Variants in RPS6KA5 observed in about 807,000 individuals in gnomAD.
The protein encoded by RPS6KA5 is ribosomal protein S6 kinase alpha-5.
RPS6KA5 carries 27 observed loss-of-function variants against 85.5 expected under a neutral mutation model. That is an observed-to-expected ratio of 0.32 (90% CI 0.23 to 0.44). The LOEUF is 0.44. Among genes scored for constraint, RPS6KA5 ranks in the 20% least tolerant of loss-of-function variants. The pLI is 1.00. For synonymous variants in RPS6KA5, 334 were observed against 348.2 expected, an observed-to-expected ratio of 0.96 and a Z score of 0.46; for missense variants, 811 against 980.9, an observed-to-expected ratio of 0.83 and a Z score of 2.31.
At chr14:91,014,973 T>C (rs900497771) in intron 1 of RPS6KA5, among the ~76,000 whole-genome samples, 1 of 152,194 alleles carries the variant, frequency 6.6e-6, no homozygotes, top group African/African-American at 2.4e-5. Context: ...GTCAAATTAT[T>C]TGAAAATGTA....
Position 90,994,763 on chromosome 14 carries a change from G to A in RPS6KA5, c.175+6325C>T, listed in dbSNP as rs376076779. ...ATTTTTTTTTGTTTTTAGTAGAGACGGGGTTTAACCGTGTTAGCCAGGATG... is the reference window on the plus strand; with the variant it reads ...ATTTTTTTTTGTTTTTAGTAGAGACAGGGTTTAACCGTGTTAGCCAGGATG... On this transcript the variant is annotated intron_variant, in intron 2 of 16. Coordinates refer to ENST00000614987, the MANE Select transcript of RPS6KA5 (RefSeq NM_004755.4). 4.6e-5 allele frequency among the ~76,000 whole-genome samples: 7 copies of A among 151,424 alleles called. No homozygotes were observed. The East Asian group carries it at 5.8e-4, about 13-fold the overall frequency.
At chr14:91,002,757 C>A (rs1228276517) in intron 1 of RPS6KA5, among the ~76,000 whole-genome samples, 1 of 152,068 alleles carries the variant, frequency 6.6e-6, no homozygotes, top group Non-Finnish European at 1.5e-5. Flanking sequence ...TCTTTAGAAC[C>A]TTTTCATCCT....
rs570311267 is a variant in RPS6KA5 at position 90,956,732 on chromosome 14, A to G, written c.395-9182T>C. ...ACTTGCCATACAATATTAACTTATC[A>G]TAACAGCTTTGGGTTTATACCAACT... On this transcript the variant is annotated intron_variant, in intron 3 of 16. Transcript: ENST00000614987. 7.3e-5 allele frequency among the ~76,000 whole-genome samples: 11 copies of G among 151,708 alleles called. 1 individual carries two copies. The South Asian group carries it at 2.3e-3, about 32-fold the overall frequency.
intron 1 of RPS6KA5, among the ~76,000 whole-genome samples, chr14:91,045,214 C>G (rs2042820486): frequency 6.6e-6 from 1 of 151,668 alleles, no homozygotes; most frequent in African/African-American, 2.4e-5. Context: ...CACATTTGTT[C>G]CAGCCACAAA....
intron 5 of RPS6KA5, among the ~76,000 whole-genome samples, chr14:90,935,218 C>T (rs553802278): frequency 6.6e-6 from 1 of 152,252 alleles, no homozygotes; most frequent in South Asian, 2.1e-4. Flanking sequence ...GAGATACGTA[C>T]ATTATAACAG....
chr14:90,953,390 G>A (rs2140392269), intron 3 of RPS6KA5, among the ~76,000 whole-genome samples: 1 of 152,208 alleles, frequency 6.6e-6, no homozygotes, highest in East Asian at 1.9e-4. Context: ...CATCACCTCA[G>A]GACCACTATG....
chr14:90,995,007 T>C (rs1011085547), intron 2 of RPS6KA5, among the ~76,000 whole-genome samples: 20 of 152,216 alleles, frequency 1.3e-4, no homozygotes, highest in African/African-American at 3.9e-4. Flanking sequence ...AATTCATAAG[T>C]AGAATAAACT....
rs1234844738 is a variant in RPS6KA5 at position 90,866,854 on chromosome 14, TTC to T, written c.*5218_*5219del. ...TTTATGTGACACAGCACCTTTAAAT[TTC>T]TGTTTTTATTCAGCCAAAGAATGAG... is the stretch of plus-strand genomic sequence containing the variant. On this transcript the variant is annotated 3_prime_UTR_variant, in exon 17 of 17. Transcript: ENST00000614987. 1 of 152,204 alleles carries T rather than the reference TTC, an allele frequency of 6.6e-6. No homozygotes were observed. Among genetic ancestry groups the T allele is most frequent in the African/African-American group, 2.4e-5 (1 of 41,454 alleles). The allele number at this position is 152,204 out of a possible 1,614,324, so 9.4% of individuals were successfully genotyped here.
intron 5 of RPS6KA5, among the ~76,000 whole-genome samples, chr14:90,925,941 CAAAAAAAAA>C (rs71117389): frequency 2.7e-5 from 2 of 73,526 alleles, no homozygotes; most frequent in African/African-American, 5.6e-5. Flanking sequence ...GACCCTGACT[CAAAAAAAAA>C]AAAAAAAAAA....
chr14:90,985,432 T>C lies in RPS6KA5; in HGVS notation c.176-6908A>G, dbSNP rs559106144. ...ATAAGAGCCATTGTTCAGAGGCCCC[T>C]GCTTTACGTCCTTCCTTGTTGTGCT... On this transcript the variant is annotated intron_variant, in intron 2 of 16. Coordinates refer to ENST00000614987, the MANE Select transcript of RPS6KA5 (RefSeq NM_004755.4). 5.3e-4 allele frequency among the ~76,000 whole-genome samples: 80 copies of C among 152,364 alleles called. 1 individual carries two copies. The highest frequency in any genetic ancestry group is 1.7e-3 in the African/African-American group (70 of 41,582).
chr14:90,954,982 T>G (rs1170462088), intron 3 of RPS6KA5, among the ~76,000 whole-genome samples: 1 of 152,200 alleles, frequency 6.6e-6, no homozygotes, highest in Non-Finnish European at 1.5e-5. Context: ...GAGTCTTCTT[T>G]TTTCCTGGTC....
chr14:90,896,396 A>G (rs535492629), intron 12 of RPS6KA5, among the ~76,000 whole-genome samples: 25 of 152,366 alleles, frequency 1.6e-4, no homozygotes, highest in Non-Finnish European at 3.4e-4. Context: ...GAGAAAATGT[A>G]TGCGTGGTAG....
rs2031863138 is a variant in RPS6KA5 at position 90,849,177 on chromosome 14, C to A, written c.*22897G>T. The A allele has an allele frequency of 6.6e-6, 1 of 152,210 alleles. No homozygotes were observed. Among genetic ancestry groups the A allele is most frequent in the South Asian group, 2.1e-4 (1 of 4,830 alleles). 9.4% of individuals were successfully genotyped at this position (152,210 alleles called of 1,614,324 possible). ...TTGGTGGTCTGAATCTAATAGATGC[C>A]ACTCTCAAATTCTGAGGAGGATGAA... is the stretch of plus-strand genomic sequence containing the variant. On this transcript the variant is annotated 3_prime_UTR_variant, in exon 17 of 17. Transcript: ENST00000614987.
chr14:90,931,389 G>A (rs1327450327), intron 5 of RPS6KA5, among the ~76,000 whole-genome samples: 1 of 151,886 alleles, frequency 6.6e-6, no homozygotes, highest in Non-Finnish European at 1.5e-5. Flanking sequence ...GGGGACGGGG[G>A]AAAAGGTATA....
Position 90,859,468 on chromosome 14 carries a change from T to C in RPS6KA5, c.*12606A>G, listed in dbSNP as rs993066562. 7 of 152,098 alleles carry C rather than the reference T, an allele frequency of 4.6e-5. No homozygotes were observed. The highest frequency in any genetic ancestry group is 1.3e-4 in the Admixed American group (2 of 15,262). The allele number at this position is 152,098 out of a possible 1,614,324, so 9.4% of individuals were successfully genotyped here. On this transcript the variant is annotated 3_prime_UTR_variant, in exon 17 of 17. Transcript: ENST00000614987. ...ACTTTGATTAATGTGTTCAAGAATA[T>C]AGAGGAAAAGACAAGATATGATCAG...
chr14:90,944,123 C>T (rs144318711), intron 4 of RPS6KA5, among the ~76,000 whole-genome samples: 39 of 152,268 alleles, frequency 2.6e-4, no homozygotes, highest in African/African-American at 8.7e-4. Flanking sequence ...AGTTCTATAG[C>T]AAAACACTTC....
chr14:91,043,758 G>C (rs1056928595), intron 1 of RPS6KA5, among the ~76,000 whole-genome samples: 1 of 152,054 alleles, frequency 6.6e-6, no homozygotes, highest in African/African-American at 2.4e-5. Context: ...CATTTCCCCT[G>C]GTTCACTATC....
intron 1 of RPS6KA5, among the ~76,000 whole-genome samples, chr14:91,015,387 T>A (rs541158923): frequency 6.2e-4 from 95 of 152,178 alleles, no homozygotes; most frequent in African/African-American, 2.1e-3. Context: ...AAAAAAAAAA[T>A]TAAACCATTA....
intron 3 of RPS6KA5, among the ~76,000 whole-genome samples, chr14:90,962,574 A>G (rs1393192006): frequency 6.7e-6 from 1 of 149,778 alleles, no homozygotes; most frequent in Non-Finnish European, 1.5e-5. Context: ...GGAGTGAGCC[A>G]CCATGCCCGG....
Sources: gnomAD v4.1 joint callset for allele counts (sites outside exome capture counted in the v4.1 genomes callset) on GRCh38, gnomAD v4.1.1 for gene constraint, MANE v1.5 for transcripts, NCBI Gene and HGNC (gene_info 2026-07-23, HGNC 2026-07-21) for gene names.